The following RNF17 variants were observed in gnomAD, a reference collection of about 807,000 sequenced individuals.
RNF17 encodes the protein spermatogenesis associated 23.
A neutral mutation model predicts 200.5 loss-of-function variants in RNF17; 31 were observed. The observed-to-expected ratio is 0.15, with a 90% CI of 0.12 to 0.21. The LOEUF is 0.21. Ranked by LOEUF, RNF17 falls within the 10% of genes least tolerant of loss-of-function variation. The probability of loss-of-function intolerance (pLI) is 1.00; values close to 1 mark genes in which losing one functional copy is unlikely to be tolerated. For synonymous variants in RNF17, 606 were observed against 637.8 expected, an observed-to-expected ratio of 0.95 and a Z score of 0.75; for missense variants, 1,628 against 1,905.1, an observed-to-expected ratio of 0.85 and a Z score of 2.71.
At chr13:24,827,727 A>AAAAAAAAAAAAC (rs1566188607) in intron 16 of RNF17, among the ~76,000 whole-genome samples, 1 of 147,934 alleles carries the variant, frequency 6.8e-6, no homozygotes, top group East Asian at 2.0e-4. Flanking sequence ...ACAAAAAAAA[A>AAAAAAAAAAAAC]AAAACAATAG....
At chr13:24,855,811 C>T (rs570538639) in intron 25 of RNF17, among the ~76,000 whole-genome samples, 1 of 152,306 alleles carries the variant, frequency 6.6e-6, no homozygotes, top group South Asian at 2.1e-4. Context: ...AATTGTCTCT[C>T]ACTATGGCTT....
At chr13:24,850,257 C>A in intron 22 of RNF17, 84 bp from the exon 23 acceptor site, 1 of 787,764 alleles carries the variant, frequency 1.3e-6, no homozygotes, top group South Asian at 1.7e-5. Context: ...ATGAGTGTAT[C>A]TGTGTGTAAA....
chr13:24,868,615 G>A lies in RNF17; in HGVS notation c.4177G>A (p.Glu1393Lys), dbSNP rs2138388722. The A allele has an allele frequency of 6.3e-7, 1 of 1,598,868 alleles. No individual in the cohort carries two copies. The highest frequency in any genetic ancestry group is 8.6e-7 in the Non-Finnish European group (1 of 1,166,618). The change falls in exon 31 of 36, where the codon GAA becomes AAA. Residue 1393 changes from glutamate to lysine, a missense_variant. By Grantham distance (56) the Glu-to-Lys change is moderately conservative. Transcript: ENST00000255324. ...GGTGTTTTAGGAATTGCTTTCGGCT[G>A]AAACAGACACTCCTCTTTTACCACC... is the stretch of plus-strand genomic sequence containing the variant. ...EIRFEELLSA[E>K]TDTPLLPPYL...
intron 5 of RNF17, among the ~76,000 whole-genome samples, chr13:24,781,129 C>T (rs1227584635): frequency 6.6e-6 from 1 of 151,658 alleles, no homozygotes; most frequent in African/African-American, 2.4e-5. Context: ...AGCAACAATA[C>T]TTAAAACTTC....
intron 2 of RNF17, among the ~76,000 whole-genome samples, chr13:24,774,211 A>C (rs1450885160): frequency 1.3e-5 from 2 of 148,652 alleles, no homozygotes; most frequent in Non-Finnish European, 3.0e-5. Context: ...TTTTTTTTTC[A>C]CTTTTTTTGA....
chr13:24,843,451 C>T (rs1890888353), intron 19 of RNF17, among the ~76,000 whole-genome samples: 2 of 151,956 alleles, frequency 1.3e-5, no homozygotes, highest in African/African-American at 4.8e-5. Flanking sequence ...CTGGGAGGCG[C>T]AAGCTGCAGT....
chr13:24,820,528 C>T (rs567312591), intron 15 of RNF17, among the ~76,000 whole-genome samples: 12 of 151,950 alleles, frequency 7.9e-5, no homozygotes, highest in East Asian at 3.9e-4. Context: ...CTCTGCCTCC[C>T]GGGTTCAAGC....
intron 15 of RNF17, among the ~76,000 whole-genome samples, chr13:24,805,180 G>T (rs114723216): frequency 0.015 from 2,335 of 152,140 alleles, 62 homozygotes; most frequent in East Asian, 0.08. Flanking sequence ...TATTTCTTTT[G>T]TTGATTTTTT....
At chr13:24,762,774 T>C (rs537202146), upstream of RNF17, among the ~76,000 whole-genome samples, 2 of 152,296 alleles carry the variant, frequency 1.3e-5, no homozygotes, top group Admixed American at 1.3e-4. Context: ...TTGTTTGAAA[T>C]ACACCTGCCA....
rs1469360023 is a variant in RNF17, at chr13:24,876,909, T to C, written c.4584-88T>C. The C allele has an allele frequency of 1.9e-5, 20 of 1,080,860 alleles. No individual in the cohort carries two copies. In the East Asian group the frequency reaches 5.2e-4, roughly 28 times the overall value. 67.0% of individuals were successfully genotyped at this position (1,080,860 alleles called of 1,614,324 possible). ...AAAAAATCACTGCAAAATCCAATGT[T>C]ATGAAGCGTTTCCCCTATGTTTTCT... On this transcript the variant is annotated intron_variant, in intron 33 of 35. Coordinates refer to ENST00000255324, the MANE Select transcript of RNF17 (RefSeq NM_031277.3).
In RNF17 at chr13:24,874,213, T is replaced by G; in HGVS notation, c.4547T>G (p.Val1516Gly). Reference protein sequence around the residue: ...FNPLSILVQFVDYGSTAKLTL... With the variant: ...FNPLSILVQFGDYGSTAKLTL... ...CCTTTATCTATCTTAGTACAATTTGTTGATTATGGATCAACTGCAAAGCTG... is the reference window on the plus strand; with the variant it reads ...CCTTTATCTATCTTAGTACAATTTGGTGATTATGGATCAACTGCAAAGCTG... Residue 1516 changes from valine to glycine, a missense_variant, in exon 33 of 36, where the codon GTT becomes GGT. Physicochemically the swap from Val to Gly is moderately radical, Grantham distance 109 (BLOSUM62 -3). Coordinates refer to ENST00000255324, the MANE Select transcript of RNF17 (RefSeq NM_031277.3). 6.2e-7 allele frequency: 1 copy of G among 1,608,788 alleles called. No homozygotes were observed. Among genetic ancestry groups the G allele is most frequent in the African/African-American group, 1.3e-5 (1 of 74,764 alleles).
At chr13:24,749,299 C>CT in the RNF17 span, among the ~76,000 whole-genome samples, 1 of 52,150 alleles carries the variant, frequency 1.9e-5, no homozygotes, top group African/African-American at 6.4e-5. Flanking sequence ...TTTTTTCTTT[C>CT]TTTCTTTCTT....
intron 18 of RNF17, among the ~76,000 whole-genome samples, chr13:24,834,169 G>A (rs563849685): frequency 6.6e-6 from 1 of 152,188 alleles, no homozygotes; most frequent in Admixed American, 6.5e-5. Flanking sequence ...ATTTTGGGAG[G>A]TCAGAGGCGG....
intron 1 of RNF17, 153 bp downstream of exon 1, chr13:24,764,486 C>A: frequency 2.7e-6 from 2 of 740,656 alleles, no homozygotes; most frequent in East Asian, 1.3e-4. Context: ...CTGCACCCGA[C>A]CTCTAAGAGG....
intron 10 of RNF17, among the ~76,000 whole-genome samples, chr13:24,795,698 G>T (rs368091556): frequency 6.6e-6 from 1 of 152,118 alleles, no homozygotes; most frequent in Non-Finnish European, 1.5e-5. Flanking sequence ...GCTATGAGCT[G>T]TATTGGTTCT....
intron 13 of RNF17, among the ~76,000 whole-genome samples, chr13:24,802,178 G>T (rs953691668): frequency 1.3e-5 from 2 of 152,038 alleles, no homozygotes; most frequent in African/African-American, 4.8e-5. Context: ...TAGAGACAGG[G>T]TTTCACCATC....
chr13:24,795,448 C>T lies in RNF17; in HGVS notation c.1241-689C>T, dbSNP rs77978330. On this transcript the variant is annotated intron_variant, in intron 10 of 35. Transcript: ENST00000255324. ...TCTTTTTTTTTTTTTTTACACAAAA[C>T]GTAGCATACCACTGTTTTGTTTTTG... 8.9e-5 allele frequency among the ~76,000 whole-genome samples: 13 copies of T among 146,292 alleles called. No homozygotes were observed. The South Asian group carries it at 2.0e-3, about 22-fold the overall frequency.
intron 9 of RNF17, among the ~76,000 whole-genome samples, chr13:24,790,937 C>A (rs1327004684): frequency 6.6e-6 from 1 of 152,168 alleles, no homozygotes; most frequent in Non-Finnish European, 1.5e-5. Context: ...AAGGCCCCAC[C>A]TCTTAATGTC....
rs758551446 is a variant in RNF17, at chr13:24,850,486, T to C, written c.3204+43T>C. 7.7e-6 allele frequency: 9 copies of C among 1,161,434 alleles called. No individual in the cohort carries two copies. The South Asian group carries it at 1.3e-4, about 16-fold the overall frequency. The allele number at this position is 1,161,434 out of a possible 1,614,324, so 71.9% of individuals were successfully genotyped here. A position where few individuals can be genotyped will look rare whatever the true frequency, so the allele number is the denominator to read the frequency against. ...ATATGTGCTGATGATCTCATTAATG[T>C]TTCCATCGATTCCATTTATTTTCTT... On this transcript the variant is annotated intron_variant, in intron 23 of 35. Coordinates refer to ENST00000255324, the MANE Select transcript of RNF17 (RefSeq NM_031277.3).
Sources: allele counts gnomAD v4.1 joint callset (sites outside exome capture counted in the v4.1 genomes callset), GRCh38; gene constraint gnomAD v4.1.1; transcripts MANE v1.5; gene names NCBI Gene and HGNC (gene_info 2026-07-23, HGNC 2026-07-21).